ZNF469: variants seen among roughly 807,000 people sequenced by gnomAD.
ZNF469 encodes the protein zinc finger protein 469.
Under a neutral mutation model 1.0 loss-of-function variants are expected in ZNF469, and 1 was observed. That is an observed-to-expected ratio of 1.00 (90% confidence interval 0.35 to 4.73). ZNF469 has a LOEUF of 4.73. Ranked by LOEUF, ZNF469 falls within the 30% of genes most tolerant of loss-of-function variation. The pLI is 0.16. For synonymous variants in ZNF469, 2,703 were observed against 2,363.4 expected, an observed-to-expected ratio of 1.14 and a Z score of -4.17; for missense variants, 6,100 against 5,356.3, an observed-to-expected ratio of 1.14 and a Z score of -4.33.
chr16:88,160,990 C>A, the ZNF469 span, among the ~76,000 whole-genome samples: 1 of 152,046 alleles, frequency 6.6e-6, no homozygotes, highest in African/African-American at 2.4e-5. Context: ...ATTAAAAATA[C>A]AAAAATTAGC....
At chr16:88,329,476 C>T in the ZNF469 span, among the ~76,000 whole-genome samples, 9 of 152,328 alleles carry the variant, frequency 5.9e-5, no homozygotes, top group Non-Finnish European at 1.2e-4. Flanking sequence ...GGCTGCCTCC[C>T]GCTGGCCCTC....
Position 88,433,998 on chromosome 16 carries a change from AG to A in ZNF469, c.6529del (p.Glu2177ArgfsTer23). ...GTTCTCCTGCCTGGGCACCTCTGGAAGAGGCAGATGGCGTCCAAGCCACGAC... is the reference window on the plus strand; with the variant it reads ...GTTCTCCTGCCTGGGCACCTCTGGAAAGGCAGATGGCGTCCAAGCCACGAC... ...ACSPAWAPLE[E>X]ADGVQATTDT... On this transcript the variant is annotated frameshift_variant, in exon 3 of 3. Coordinates refer to ENST00000565624, the MANE Select transcript of ZNF469 (RefSeq NM_001367624.2). LOFTEE classifies it low-confidence loss of function (END_TRUNC). The A allele has an allele frequency of 6.5e-7, 1 of 1,550,276 alleles. No individual in the cohort carries two copies. The highest frequency in any genetic ancestry group is 1.4e-5 in the African/African-American group (1 of 73,184).
chr16:88,422,590 T>C (rs780504082), intron 1 of ZNF469, among the ~76,000 whole-genome samples: 45 of 129,466 alleles, frequency 3.5e-4, no homozygotes, highest in Non-Finnish European at 5.6e-4. Flanking sequence ...AGTGGGTGGA[T>C]GATTGGGTGG....
At chr16:88,115,179 A>G in the ZNF469 span, among the ~76,000 whole-genome samples, 59 of 152,280 alleles carry the variant, frequency 3.9e-4, no homozygotes, top group African/African-American at 1.4e-3. Context: ...ACTTAAACTA[A>G]ACCTTAGTGC....
At chr16:88,372,380 TCATCATCACCATCACTACCATCAC>T in the ZNF469 span, among the ~76,000 whole-genome samples, 1 of 132,962 alleles carries the variant, frequency 7.5e-6, no homozygotes, top group African/African-American at 2.9e-5. Flanking sequence ...ATCATCCCCA[TCATCATCACCATCACTACCATCAC>T]CATCATCACC....
chr16:88,436,469 T>G lies in ZNF469; in HGVS notation c.8999T>G (p.Leu3000Arg). ...LHMVPAAWRG[L>R]EMPAPADDSS... ...ATGGTCCCAGCGGCTTGGCGAGGCC[T>G]GGAGATGCCGGCCCCTGCCGATGAC... The change falls in exon 3 of 3, where the codon CTG (leucine) becomes CGG (arginine). Residue 3000 changes from leucine (L) to arginine (R), a missense_variant. Transcript: ENST00000565624. 3 of 1,546,832 alleles carry G rather than the reference T, an allele frequency of 1.9e-6. No individual in the cohort carries two copies. In the East Asian group the frequency reaches 7.3e-5, roughly 38 times the overall value.
At chr16:88,146,211 CTAGACT>C in the ZNF469 span, among the ~76,000 whole-genome samples, 1 of 152,366 alleles carries the variant, frequency 6.6e-6, no homozygotes. Flanking sequence ...GCCCAGGTGA[CTAGACT>C]CAGGACTCAG....
chr16:88,112,377 C>A, the ZNF469 span, among the ~76,000 whole-genome samples: 41 of 152,354 alleles, frequency 2.7e-4, no homozygotes, highest in African/African-American at 9.9e-4. Context: ...TCCACAGCGG[C>A]TGTATTAATT....
chr16:88,308,101 C>T, the ZNF469 span, among the ~76,000 whole-genome samples: 2 of 152,242 alleles, frequency 1.3e-5, no homozygotes, highest in African/African-American at 4.8e-5. Flanking sequence ...TATTCTTTCC[C>T]TGTTAAACTG....
At chr16:88,284,792 C>T in the ZNF469 span, among the ~76,000 whole-genome samples, 58 of 152,342 alleles carry the variant, frequency 3.8e-4, no homozygotes, top group African/African-American at 1.3e-3. Flanking sequence ...GGCGATGGGG[C>T]CTTGGTGAGG....
the ZNF469 span, among the ~76,000 whole-genome samples, chr16:88,244,572 CATGG>C: frequency 0.02 from 2,695 of 135,794 alleles, 28 homozygotes; most frequent in Middle Eastern, 0.043. Flanking sequence ...TGGATGGATG[CATGG>C]ATGGATGGAT....
At chr16:88,267,952 C>T in the ZNF469 span, among the ~76,000 whole-genome samples, 2 of 151,960 alleles carry the variant, frequency 1.3e-5, no homozygotes, top group Admixed American at 1.3e-4. Flanking sequence ...CCCATGCCCC[C>T]CGGCAGCAAG....
chr16:88,144,947 C>T, the ZNF469 span, among the ~76,000 whole-genome samples: 1 of 151,596 alleles, frequency 6.6e-6, no homozygotes, highest in African/African-American at 2.4e-5. Flanking sequence ...CCTTCCGGGC[C>T]CATGCAATTC....
Position 88,428,854 on chromosome 16 carries a change from ATG to A in ZNF469, c.1386_1387del (p.Met462IlefsTer3). The part of the protein sequence containing the change: ...PGGPLAATRS[M>X]FFNGQPSPGQ... ...GGGCCCCCTGGCTGCCACCAGGAGT[ATG>A]TTCTTTAACGGCCAGCCCAGCCCAG... On this transcript the variant is annotated frameshift_variant, in exon 3 of 3. Transcript: ENST00000565624. LOFTEE classifies it low-confidence loss of function (END_TRUNC). 1 of 1,548,456 alleles carries A rather than the reference ATG, an allele frequency of 6.5e-7. No homozygotes were observed. The highest frequency in any genetic ancestry group is 8.7e-7 in the Non-Finnish European group (1 of 1,146,430).
chr16:88,342,856 G>A, the ZNF469 span, among the ~76,000 whole-genome samples: 4 of 152,208 alleles, frequency 2.6e-5, no homozygotes, highest in African/African-American at 4.8e-5. Context: ...AGCCCTTGTC[G>A]GGACCCAGTT....
Position 88,429,442 on chromosome 16 carries a change from C to T in ZNF469, c.1972C>T (p.Pro658Ser). 6.5e-7 allele frequency: 1 copy of T among 1,548,398 alleles called. No individual in the cohort carries two copies. Among genetic ancestry groups the T allele is most frequent in the Non-Finnish European group, 8.7e-7 (1 of 1,145,376 alleles). The change falls in exon 3 of 3, where the codon CCC (proline) becomes TCC (serine). Residue 658 changes from proline to serine, a missense_variant. Coordinates refer to ENST00000565624, the MANE Select transcript of ZNF469 (RefSeq NM_001367624.2). ...FPSPEPPHSLPTHYQPEPAKA... is the reference protein window; with the variant it reads ...FPSPEPPHSLSTHYQPEPAKA... ...GTCCCCGGAGCCCCCCCACTCCCTC[C>T]CCACCCACTACCAGCCAGAGCCAGC...
the ZNF469 span, among the ~76,000 whole-genome samples, chr16:88,132,791 C>T: frequency 3.9e-5 from 6 of 152,228 alleles, no homozygotes; most frequent in African/African-American, 1.4e-4. Flanking sequence ...CCCACGCTTC[C>T]TCTTTAGTGA....
chr16:88,267,856 T>C, the ZNF469 span, among the ~76,000 whole-genome samples: 5 of 152,172 alleles, frequency 3.3e-5, no homozygotes, highest in Non-Finnish European at 7.3e-5. Context: ...CATAGATTCC[T>C]TGGGGTGGCA....
the ZNF469 span, among the ~76,000 whole-genome samples, chr16:88,348,750 C>A: frequency 6.6e-6 from 1 of 152,182 alleles, no homozygotes; most frequent in African/African-American, 2.4e-5. Context: ...CTCAGCCGCC[C>A]CACTGCCCTG....
Sources: allele counts gnomAD v4.1 joint callset (sites outside exome capture counted in the v4.1 genomes callset), GRCh38; gene constraint gnomAD v4.1.1; transcripts MANE v1.5; gene names NCBI Gene and HGNC (gene_info 2026-07-23, HGNC 2026-07-21).